RUSF1: variants seen among roughly 807,000 people sequenced by gnomAD.
The protein encoded by RUSF1 is RUS1 family protein C16orf58.
Under a neutral mutation model 63.0 loss-of-function variants are expected in RUSF1, and 58 were observed. That is an observed-to-expected ratio of 0.92 (90% confidence interval 0.75 to 1.15). The LOEUF is 1.15. Ranked by LOEUF, RUSF1 falls within the 50% of genes most tolerant of loss-of-function variation. The pLI, the probability that RUSF1 is intolerant of heterozygous loss-of-function variation, is 0.00. For synonymous variants in RUSF1, 274 were observed against 255.8 expected, an observed-to-expected ratio of 1.07 and a Z score of -0.68; for missense variants, 652 against 611.0, an observed-to-expected ratio of 1.07 and a Z score of -0.71.
chr16:31,493,197 C>T, intron 9 of RUSF1, 149 bp from the exon 10 acceptor site: 2 of 908,796 alleles, frequency 2.2e-6, no homozygotes, highest in Non-Finnish European at 1.8e-6. Flanking sequence ...ATTACCCATA[C>T]ACACCAAATC....
intron 6 of RUSF1, among the ~76,000 whole-genome samples, chr16:31,496,645 CCA>C (rs1306184914): frequency 6.7e-6 from 1 of 149,758 alleles, no homozygotes; most frequent in Non-Finnish European, 1.5e-5. Flanking sequence ...TTGCTCTCAG[CCA>C]CACAGGTGGC....
Position 31,490,632 on chromosome 16 carries a change from GAGA to G in RUSF1, c.*200_*202del. 2 of 1,184,100 alleles carry G rather than the reference GAGA, an allele frequency of 1.7e-6. No individual in the cohort carries two copies. The highest frequency in any genetic ancestry group is 2.5e-6 in the Non-Finnish European group (2 of 814,454). 73.3% of individuals were successfully genotyped at this position (1,184,100 alleles called of 1,614,324 possible). On this transcript the variant is annotated 3_prime_UTR_variant, in exon 13 of 13. Coordinates refer to ENST00000327237, the MANE Select transcript of RUSF1 (RefSeq NM_022744.4). The stretch of plus-strand genomic sequence containing the variant: ...AGAAAAGGGGAAGGGGCAGTGGGGT[GAGA>G]AGGTCCTGGCTCCCCTTCTCCCGGC...
At chr16:31,494,429 C>G (rs1027827146) in intron 6 of RUSF1, among the ~76,000 whole-genome samples, 2 of 151,852 alleles carry the variant, frequency 1.3e-5, no homozygotes, top group South Asian at 2.1e-4. Context: ...GGAGGCTGAA[C>G]TGCTTGAGCC....
At position 31,496,930 on chromosome 16, in the gene RUSF1, A is replaced by G. The variant is rs762781942; in HGVS notation, c.621T>C (p.Gly207=). 7 of 1,608,436 alleles carry G rather than the reference A, an allele frequency of 4.4e-6. No individual in the cohort carries two copies. The Admixed American group carries it at 1.2e-4, about 27-fold the overall frequency. Residue 207 remains glycine, a synonymous_variant, in exon 6 of 13, where the codon GGT becomes GGC. Transcript: ENST00000327237. ...NLAKCIVSVA[G]GATRAALTVH... ...CGGTCAGGGCAGCCCGAGTGGCCCC[A>G]CCAGCAACACTCACGATGCACTGGG...
At chr16:31,492,151 C>T (rs1330524055) in intron 11 of RUSF1, 46 bp downstream of exon 11, 3 of 1,611,822 alleles carry the variant, frequency 1.9e-6, no homozygotes, top group Non-Finnish European at 2.5e-6. Context: ...TGTCCTCTCT[C>T]CTCCCCACCC....
chr16:31,506,762 G>A (rs1466036309), intron 2 of RUSF1, among the ~76,000 whole-genome samples: 1 of 152,138 alleles, frequency 6.6e-6, no homozygotes, highest in Non-Finnish European at 1.5e-5. Context: ...CTGCATCCCA[G>A]CCTGGGTGAC....
At chr16:31,500,648 A>G (rs761220518) in intron 3 of RUSF1, 38 bp downstream of exon 3, 1 of 1,601,016 alleles carries the variant, frequency 6.2e-7, no homozygotes, top group Non-Finnish European at 8.5e-7. Context: ...ACTACTGGGA[A>G]GAGTTGCCAG....
At position 31,490,265 on chromosome 16, in the gene RUSF1, G is replaced by T; in HGVS notation, c.*570C>A. The T allele has an allele frequency of 6.2e-7, 1 of 1,613,934 alleles. No homozygotes were observed. The highest frequency in any genetic ancestry group is 8.5e-7 in the Non-Finnish European group (1 of 1,179,944). On this transcript the variant is annotated 3_prime_UTR_variant, in exon 13 of 13. Transcript: ENST00000327237. ...CATGCTGGGAGGTGGGGCTGGAGGA[G>T]CTGAGTTCCCGCAAACTAACTGCAG...
intron 6 of RUSF1, 22 bp downstream of exon 6, chr16:31,496,827 T>C: frequency 6.5e-7 from 1 of 1,541,080 alleles, no homozygotes; most frequent in Non-Finnish European, 8.8e-7. Context: ...CTCCACGCCC[T>C]CCCTCCAGCT....
chr16:31,498,038 G>C (rs1039013146), intron 5 of RUSF1, among the ~76,000 whole-genome samples: 6 of 152,324 alleles, frequency 3.9e-5, no homozygotes, highest in Admixed American at 3.9e-4. Context: ...TGGAGATTTT[G>C]AGGAGGGAAA....
chr16:31,506,676 G>C (rs887251619), intron 2 of RUSF1, among the ~76,000 whole-genome samples: 27 of 152,198 alleles, frequency 1.8e-4, no homozygotes, highest in Admixed American at 3.9e-4. Flanking sequence ...CCAGCTACTT[G>C]GGAAGCTGAG....
chr16:31,498,712 T>C (rs1361377157), intron 5 of RUSF1, among the ~76,000 whole-genome samples: 1 of 152,094 alleles, frequency 6.6e-6, no homozygotes, highest in Non-Finnish European at 1.5e-5. Flanking sequence ...CTGTGCTCCA[T>C]CTCCACCTCG....
At chr16:31,506,773 A>C (rs1453955483) in intron 2 of RUSF1, among the ~76,000 whole-genome samples, 1 of 152,062 alleles carries the variant, frequency 6.6e-6, no homozygotes, top group Non-Finnish European at 1.5e-5. Flanking sequence ...CCTGGGTGAC[A>C]GTGAGACTAC....
Position 31,492,959 on chromosome 16 carries a change from G to A in RUSF1, c.1087+19C>T. ...CCTGGGAGGGTGCGTCTTAGGCTGG[G>A]AGAATGAGGCACACTCACTTTGTGA... On this transcript the variant is annotated intron_variant, in intron 10 of 12. Coordinates refer to ENST00000327237, the MANE Select transcript of RUSF1 (RefSeq NM_022744.4). 1.9e-6 allele frequency: 3 copies of A among 1,599,866 alleles called. No homozygotes were observed. The highest frequency in any genetic ancestry group is 1.7e-6 in the Non-Finnish European group (2 of 1,170,648).
At chr16:31,494,734 G>A (rs953299658) in intron 6 of RUSF1, among the ~76,000 whole-genome samples, 1 of 150,902 alleles carries the variant, frequency 6.6e-6, no homozygotes, top group African/African-American at 2.4e-5. Context: ...TTTAAAGAGC[G>A]AGGGTCTCGC....
Position 31,500,746 on chromosome 16 carries a change from GCACAGGT to G in RUSF1, c.416-22_416-16del. On this transcript the variant is annotated splice_polypyrimidine_tract_variant and intron_variant, in intron 2 of 12. Transcript: ENST00000327237. ...GCCAGTTGAATCTGGGGGAAAGAAG[GCACAGGT>G]AAGGAGCAAGGAAGAGGTGTGGGAG... 6.2e-7 allele frequency: 1 copy of G among 1,612,114 alleles called. No individual in the cohort carries two copies. Among genetic ancestry groups the G allele is most frequent in the South Asian group, 1.1e-5 (1 of 90,808 alleles).
Position 31,508,108 on chromosome 16 carries a change from T to C in RUSF1, c.266A>G (p.Asp89Gly). 1 of 1,605,242 alleles carries C rather than the reference T, an allele frequency of 6.2e-7. No homozygotes were observed. The highest frequency in any genetic ancestry group is 2.3e-5 in the East Asian group (1 of 44,168). The change falls in exon 1 of 13, where the codon GAC becomes GGC. Residue 89 changes from aspartate (D) to glycine (G), a missense_variant. Physicochemically the swap from Asp to Gly is moderately conservative, Grantham distance 94. Coordinates refer to ENST00000327237, the MANE Select transcript of RUSF1 (RefSeq NM_022744.4). ...PQGFPDSVSP[D>G]YLPYQLWDSV... ...ATCCCACAGCTGGTAGGGCAAGTAG[T>C]CCGGGCTGACGCTATCAGGGAAGCC...
chr16:31,493,093 G>A (rs1418013817), intron 9 of RUSF1, 45 bp from the exon 10 acceptor site: 2 of 1,589,936 alleles, frequency 1.3e-6, no homozygotes, highest in Admixed American at 1.7e-5. Context: ...GACAGCAAAG[G>A]CAGGCATGCC....
chr16:31,507,861 G>C lies in RUSF1; in HGVS notation c.318C>G (p.Leu106=). 1 of 1,564,774 alleles carries C rather than the reference G, an allele frequency of 6.4e-7. No individual in the cohort carries two copies. Among genetic ancestry groups the C allele is most frequent in the East Asian group, 2.4e-5 (1 of 42,020 alleles). ...CTGCCTGGGTGGCTAGGGAGCCGGAGAGGCTGGAAGCAAACGCCTGGAGAA... is the reference window on the plus strand; with the variant it reads ...CTGCCTGGGTGGCTAGGGAGCCGGACAGGCTGGAAGCAAACGCCTGGAGAA... ...WDSVQAFASS[L]SGSLATQAVL... is the part of the protein sequence containing the mutation. Residue 106 remains leucine (L), a synonymous_variant, in exon 2 of 13, where the codon CTC becomes CTG. Coordinates refer to ENST00000327237, the MANE Select transcript of RUSF1 (RefSeq NM_022744.4).
Sources: gnomAD v4.1 joint callset for allele counts (sites outside exome capture counted in the v4.1 genomes callset) on GRCh38, gnomAD v4.1.1 for gene constraint, MANE v1.5 for transcripts, NCBI Gene and HGNC (gene_info 2026-07-23, HGNC 2026-07-21) for gene names.